The following KIAA1549L variants were observed in gnomAD, a reference collection of about 807,000 sequenced individuals.
The protein encoded by KIAA1549L is UPF0606 protein KIAA1549L.
In KIAA1549L, 88 loss-of-function variants were observed where a neutral mutation model predicts 160.7. The ratio of observed to expected loss-of-function variants is 0.55; its 90% confidence interval spans 0.46 to 0.65. KIAA1549L has a LOEUF of 0.65. Ranked by LOEUF, KIAA1549L falls within the 30% of genes least tolerant of loss-of-function variation. KIAA1549L has a pLI of 0.00. For missense variants in KIAA1549L, 2,258 were observed against 2,437.5 expected, an observed-to-expected ratio of 0.93 and a Z score of 1.55; for synonymous variants, 950 against 976.7, an observed-to-expected ratio of 0.97 and a Z score of 0.51.
intron 1 of KIAA1549L, among the ~76,000 whole-genome samples, chr11:33,499,789 A>G (rs995399869): frequency 1.3e-5 from 2 of 152,232 alleles, no homozygotes; most frequent in Non-Finnish European, 2.9e-5. Context: ...ATAAATGTGC[A>G]TTTATGGAGC....
In KIAA1549L at chr11:33,543,976, A is replaced by G; in HGVS notation, c.2413A>G (p.Ser805Gly). 6.2e-7 allele frequency: 1 copy of G among 1,613,990 alleles called. No individual in the cohort carries two copies. The highest frequency in any genetic ancestry group is 1.1e-5 in the South Asian group (1 of 91,078). ...VGSHIDLWPT[S>G]NNNHSRDFQT... is the part of the protein sequence containing the mutation. ...AAGCCATATAGACCTCTGGCCCACA[A>G]GCAATAACAACCATTCCAGAGACTT... is the stretch of plus-strand genomic sequence containing the variant. The change falls in exon 2 of 21, where the codon AGC becomes GGC. Residue 805 changes from serine (S) to glycine (G), a missense_variant. Around this residue, in one of 6 missense-constraint regions of KIAA1549L, gnomAD observed 287 missense variants for 292.3 expected, o/e 0.98. Coordinates refer to ENST00000658780, the MANE Select transcript of KIAA1549L (RefSeq NM_012194.3).
At chr11:33,489,182 T>A (rs908653126) in intron 1 of KIAA1549L, among the ~76,000 whole-genome samples, 2 of 152,184 alleles carry the variant, frequency 1.3e-5, no homozygotes, top group Non-Finnish European at 2.9e-5. Context: ...AGGAATTTAT[T>A]ACTCACAGTT....
rs1854363897 is a variant in KIAA1549L at position 33,549,040 on chromosome 11, C to G, written c.3501+1161C>G. 2.0e-5 allele frequency among the ~76,000 whole-genome samples: 3 copies of G among 152,232 alleles called. No homozygotes were observed. In the South Asian group the frequency reaches 6.2e-4, roughly 31 times the overall value. On this transcript the variant is annotated intron_variant, in intron 4 of 20. Coordinates refer to ENST00000658780, the MANE Select transcript of KIAA1549L (RefSeq NM_012194.3). ...TGGGAAGTTGAAAATGTGAATATTT[C>G]CATTTAATTGCCTGATACAATTTTC...
intron 13 of KIAA1549L, among the ~76,000 whole-genome samples, chr11:33,606,004 A>G (rs555329831): frequency 3.3e-5 from 5 of 152,296 alleles, no homozygotes; most frequent in South Asian, 2.1e-4. Context: ...AAATCCTTCT[A>G]CTTAATTAGG....
intron 1 of KIAA1549L, among the ~76,000 whole-genome samples, chr11:33,473,620 C>T (rs1590271338): frequency 1.3e-5 from 2 of 152,180 alleles, no homozygotes; most frequent in Admixed American, 6.5e-5. Context: ...CTGTGTTCTC[C>T]GCTTCCGAGC....
Position 33,614,584 on chromosome 11 carries a change from A to ATT in KIAA1549L, c.5280-3919_5280-3918dup, listed in dbSNP as rs869257067. On this transcript the variant is annotated intron_variant, in intron 15 of 20. Coordinates refer to ENST00000658780, the MANE Select transcript of KIAA1549L (RefSeq NM_012194.3). ...TATATATATATATATATATATATAT[A>ATT]TTTTTTTTTTTTTTTTTTTTTTTTT... Among the ~76,000 whole-genome samples, 5 of 5,120 alleles carry ATT rather than the reference A, an allele frequency of 9.8e-4. 2 individuals are homozygous for ATT. Among genetic ancestry groups the ATT allele is most frequent in the Admixed American group, 9.4e-3 (2 of 212 alleles). The allele number at this position is 5,120 out of a possible 152,430, so 3.4% of individuals were successfully genotyped here.
At chr11:33,412,413 A>C (rs749907242) in intron 1 of KIAA1549L, among the ~76,000 whole-genome samples, 2 of 152,224 alleles carry the variant, frequency 1.3e-5, no homozygotes, top group Non-Finnish European at 2.9e-5. Context: ...TTTATGGCTA[A>C]ATCTTGCTAA....
intron 1 of KIAA1549L, among the ~76,000 whole-genome samples, chr11:33,447,623 G>GCACACACA (rs56839961): frequency 0.013 from 1,917 of 147,320 alleles, 41 homozygotes; most frequent in African/African-American, 0.039. Flanking sequence ...ACATGAACTT[G>GCACACACA]CACACACACA....
chr11:33,467,082 A>G (rs1295995424), intron 1 of KIAA1549L, among the ~76,000 whole-genome samples: 1 of 152,210 alleles, frequency 6.6e-6, no homozygotes, highest in African/African-American at 2.4e-5. Flanking sequence ...ACAAGGCTGC[A>G]TGTTGTGCAC....
In KIAA1549L at chr11:33,543,143, C is replaced by T. The variant is rs1447846980; in HGVS notation, c.1580C>T (p.Pro527Leu). 2 of 1,613,728 alleles carry T rather than the reference C, an allele frequency of 1.2e-6. No individual in the cohort carries two copies. The highest frequency in any genetic ancestry group is 1.7e-6 in the Non-Finnish European group (2 of 1,179,872). ...CCTGTGCCAGAAATGCCCACTCTTC[C>T]AGCAGAGGGCAGTGATGGGTCCCCT... is the stretch of plus-strand genomic sequence containing the variant. Reference protein sequence around the residue: ...PSPVPEMPTLPAEGSDGSPPA... With the variant: ...PSPVPEMPTLLAEGSDGSPPA... The change falls in exon 2 of 21, where the codon CCA (proline) becomes CTA (leucine). Residue 527 changes from proline to leucine, a missense_variant. Pro to Leu is a moderately conservative substitution (Grantham distance 98). This residue lies in a region of KIAA1549L where 540 missense variants were observed against 465.7 expected (regional missense o/e 1.16). Transcript: ENST00000658780.
intron 1 of KIAA1549L, among the ~76,000 whole-genome samples, chr11:33,459,829 C>CTACGTA (rs1391641092): frequency 1.3e-5 from 2 of 149,376 alleles, no homozygotes; most frequent in Non-Finnish European, 3.0e-5. Context: ...GGCGTAGTGG[C>CTACGTA]GGGCGCCTGT....
intron 1 of KIAA1549L, among the ~76,000 whole-genome samples, chr11:33,516,955 T>C (rs1001619256): frequency 4.6e-5 from 7 of 152,242 alleles, no homozygotes; most frequent in African/African-American, 1.7e-4. Context: ...TTATATTCAA[T>C]GTGCCTAATT....
At chr11:33,555,624 G>A (rs914347551) in intron 6 of KIAA1549L, among the ~76,000 whole-genome samples, 1 of 152,206 alleles carries the variant, frequency 6.6e-6, no homozygotes, top group South Asian at 2.1e-4. Flanking sequence ...AAAGAATGAA[G>A]TTGGATCCTT....
intron 16 of KIAA1549L, among the ~76,000 whole-genome samples, chr11:33,628,709 A>T (rs1479723092): frequency 1.3e-5 from 2 of 149,040 alleles, no homozygotes; most frequent in Admixed American, 6.7e-5. Context: ...TCCTGAATAC[A>T]GCACACTGAT....
intron 1 of KIAA1549L, among the ~76,000 whole-genome samples, chr11:33,433,719 G>C (rs375490287): frequency 6.6e-4 from 100 of 152,276 alleles, no homozygotes; most frequent in African/African-American, 2.3e-3. Context: ...ACTGGATAAA[G>C]AAAATGTGGC....
At chr11:33,657,394 GGGT>G (rs985708616) in intron 18 of KIAA1549L, among the ~76,000 whole-genome samples, 47 of 152,144 alleles carry the variant, frequency 3.1e-4, no homozygotes, top group African/African-American at 1.1e-3. Flanking sequence ...CACATATCGG[GGGT>G]GGGGGGTGCA....
At chr11:33,651,542 G>A (rs1250210708) in intron 17 of KIAA1549L, among the ~76,000 whole-genome samples, 1 of 152,078 alleles carries the variant, frequency 6.6e-6, no homozygotes, top group Non-Finnish European at 1.5e-5. Flanking sequence ...AAGAACTATG[G>A]AGGAAAAATG....
rs1454335069 is a variant in KIAA1549L, at chr11:33,376,150, C to T, written c.-502C>T. Among the ~76,000 whole-genome samples, 1 of 149,650 alleles carries T rather than the reference C, an allele frequency of 6.7e-6. No homozygotes were observed. The highest frequency in any genetic ancestry group is 2.0e-4 in the East Asian group (1 of 5,102). ...CTGAGCTGCGGTAGCACTCGCGGCC[C>T]GGGAACCCGAGCCGGAGCCGGGGCT... On this transcript the variant is annotated 5_prime_UTR_variant, in exon 1 of 21. Transcript: ENST00000658780. The surrounding 1 kb of genome is among the most constrained non-coding windows in gnomAD (Gnocchi z 5.8).
chr11:33,551,815 T>C (rs7945032), intron 5 of KIAA1549L, among the ~76,000 whole-genome samples: 7,461 of 152,272 alleles, frequency 0.049, 592 homozygotes, highest in African/African-American at 0.17. Context: ...CTCTCTTAGA[T>C]TGTGATTTGT....
Sources: gnomAD v4.1 joint callset for allele counts (sites outside exome capture counted in the v4.1 genomes callset) on GRCh38, gnomAD v4.1.1 for gene constraint, gnomAD v4.1.1 regional missense constraint, Gnocchi (gnomAD v3.1) non-coding constraint, MANE v1.5 for transcripts, NCBI Gene and HGNC (gene_info 2026-07-23, HGNC 2026-07-21) for gene names.